Variants in PCDHGA1 observed in about 807,000 individuals in gnomAD.
PCDHGA1 encodes protocadherin gamma subfamily A, 1.
In PCDHGA1, 32 loss-of-function variants were observed where a neutral mutation model predicts 58.0. That is an observed-to-expected ratio of 0.55 (90% CI 0.42 to 0.74). The LOEUF (loss-of-function observed/expected upper bound fraction) is 0.74, where lower values mean the gene tolerates loss of function less well. Ranked by LOEUF, PCDHGA1 falls within the 30% of genes least tolerant of loss-of-function variation. PCDHGA1 has a pLI of 0.00. For synonymous variants in PCDHGA1, 498 were observed against 501.1 expected, an observed-to-expected ratio of 0.99 and a Z score of 0.08; for missense variants, 1,205 against 1,182.3, an observed-to-expected ratio of 1.02 and a Z score of -0.28.
chr5:141,364,428 A>G (rs1358594302), intron 1 of PCDHGA1: 1 of 1,613,750 alleles, frequency 6.2e-7, no homozygotes, highest in South Asian at 1.1e-5. Flanking sequence ...CAGATCCGCT[A>G]CTCGATGCCG....
chr5:141,480,240 CA>C lies in PCDHGA1; in HGVS notation c.2422-14552del, dbSNP rs11374694. 4.6e-3 allele frequency among the ~76,000 whole-genome samples: 522 copies of C among 113,846 alleles called. 1 individual carries two copies. Among genetic ancestry groups the C allele is most frequent in the Non-Finnish European group, 5.4e-3 (287 of 52,954 alleles). 74.7% of individuals were successfully genotyped at this position (113,846 alleles called of 152,430 possible). A position where few individuals can be genotyped will look rare whatever the true frequency, so the allele number is the denominator to read the frequency against. ...GCGACATAGTGAGATCCTGTCTCTACAAAAAAAAAAAAAAATGTGTTTTCAT... is the reference window on the plus strand; with the variant it reads ...GCGACATAGTGAGATCCTGTCTCTACAAAAAAAAAAAAAATGTGTTTTCAT... On this transcript the variant is annotated intron_variant, in intron 1 of 3. Coordinates refer to ENST00000517417, the MANE Select transcript of PCDHGA1 (RefSeq NM_018912.3).
At position 141,393,913 on chromosome 5, in the gene PCDHGA1, C is replaced by T. The variant is rs1170452204; in HGVS notation, c.2421+60808C>T. ...AATTCTCTTCCCGGGACAGTAATTG[C>T]CTTCTTGAGTGTGCATGACCAAGAC... On this transcript the variant is annotated intron_variant, in intron 1 of 3. Coordinates refer to ENST00000517417, the MANE Select transcript of PCDHGA1 (RefSeq NM_018912.3). 3.1e-6 allele frequency: 5 copies of T among 1,613,780 alleles called. No homozygotes were observed. The South Asian group carries it at 3.3e-5, about 11-fold the overall frequency.
intron 1 of PCDHGA1, among the ~76,000 whole-genome samples, chr5:141,405,781 A>G (rs913529807): frequency 2.6e-5 from 4 of 151,674 alleles, no homozygotes; most frequent in African/African-American, 7.3e-5. Context: ...CCTGGCCCTT[A>G]ACTTTCTATT....
chr5:141,361,015 T>C (rs374836690), intron 1 of PCDHGA1: 72 of 1,613,142 alleles, frequency 4.5e-5, no homozygotes, highest in Non-Finnish European at 6.0e-5. Flanking sequence ...CTTTTTCAAC[T>C]TAAATGAAAA....
chr5:141,430,761 T>G, intron 1 of PCDHGA1: 5 of 1,506,132 alleles, frequency 3.3e-6, no homozygotes, highest in Non-Finnish European at 3.5e-6. Context: ...AAGATAAGAA[T>G]GATTCCTGCG....
intron 1 of PCDHGA1, among the ~76,000 whole-genome samples, chr5:141,433,449 T>C (rs2097611087): frequency 6.6e-6 from 1 of 152,068 alleles, no homozygotes; most frequent in Non-Finnish European, 1.5e-5. Context: ...TTGAGCAGGC[T>C]GATCTGAAAC....
Position 141,485,666 on chromosome 5 carries a change from A to C in PCDHGA1, c.2422-9141A>C. 1.2e-6 allele frequency: 2 copies of C among 1,612,786 alleles called. No homozygotes were observed. Among genetic ancestry groups the C allele is most frequent in the Non-Finnish European group, 1.7e-6 (2 of 1,178,960 alleles). ...GGCTCAGGATGCAGATGTGGGGAGCAATTCGATTAGCAGCTATAGGCTGAG... is the reference window on the plus strand; with the variant it reads ...GGCTCAGGATGCAGATGTGGGGAGCCATTCGATTAGCAGCTATAGGCTGAG... On this transcript the variant is annotated intron_variant, in intron 1 of 3. Transcript: ENST00000517417. This position sits in a 1 kb window ranked among gnomAD's most constrained non-coding sequence, Gnocchi z 5.7.
At chr5:141,478,528 G>A (rs1013766552) in intron 1 of PCDHGA1, 1 of 1,609,730 alleles carries the variant, frequency 6.2e-7, no homozygotes, top group Non-Finnish European at 8.5e-7. Context: ...TGGGTGCAGA[G>A]AGCGCCCCTC....
At chr5:141,366,340 C>T in intron 1 of PCDHGA1, 1 of 1,613,934 alleles carries the variant, frequency 6.2e-7, no homozygotes, top group Non-Finnish European at 8.5e-7. Context: ...GGATCCCTGA[C>T]ATCCTGGCTG....
intron 1 of PCDHGA1, chr5:141,356,285 C>A (rs1405876688): frequency 3.9e-6 from 6 of 1,556,488 alleles, no homozygotes; most frequent in African/African-American, 1.4e-5. Flanking sequence ...TCTTCTTCCC[C>A]GGGTACAGTA....
At chr5:141,359,899 A>C (rs1761354532) in intron 1 of PCDHGA1, 1 of 400,996 alleles carries the variant, frequency 2.5e-6, no homozygotes. Flanking sequence ...AATATTGACA[A>C]GCCATTAGTG....
intron 1 of PCDHGA1, chr5:141,384,693 A>G (rs1345115245): frequency 3.1e-6 from 5 of 1,614,042 alleles, no homozygotes; most frequent in Non-Finnish European, 4.2e-6. Context: ...ACAAAGATTC[A>G]GGCCAGAACG....
At chr5:141,500,446 T>C (rs2099800320) in intron 2 of PCDHGA1, among the ~76,000 whole-genome samples, 1 of 152,002 alleles carries the variant, frequency 6.6e-6, no homozygotes, top group South Asian at 2.1e-4. Context: ...CCTGACCTCG[T>C]GATCCGCCCG....
Position 141,433,059 on chromosome 5 carries a change from A to G in PCDHGA1, c.2422-61748A>G, listed in dbSNP as rs745951077. 1.1e-5 allele frequency: 18 copies of G among 1,614,000 alleles called. No individual in the cohort carries two copies. In the East Asian group the frequency reaches 3.8e-4, roughly 34 times the overall value. On this transcript the variant is annotated intron_variant, in intron 1 of 3. Transcript: ENST00000517417. ...CTCACCACGGACTCGCGGAAGAGTC[A>G]CCTGATCTTCCCCCAGCCCAACTAT...
chr5:141,399,830 C>G (rs1304936728), intron 1 of PCDHGA1: 1 of 1,613,192 alleles, frequency 6.2e-7, no homozygotes. Flanking sequence ...CCCGACGGCT[C>G]TGCGCTCTTC....
chr5:141,475,167 G>T (rs529813171), intron 1 of PCDHGA1, among the ~76,000 whole-genome samples: 1 of 152,160 alleles, frequency 6.6e-6, no homozygotes, highest in Admixed American at 6.5e-5. Flanking sequence ...CATTAGCAGT[G>T]CAACTTCTTG....
intron 1 of PCDHGA1, chr5:141,341,129 C>A (rs1036670206): frequency 3.1e-6 from 5 of 1,614,238 alleles, no homozygotes; most frequent in Non-Finnish European, 3.4e-6. Flanking sequence ...GCGGCGCTGG[C>A]ACAAGTCACG....
At chr5:141,408,342 TG>T in intron 1 of PCDHGA1, 1 of 1,613,856 alleles carries the variant, frequency 6.2e-7, no homozygotes, top group Non-Finnish European at 8.5e-7. Context: ...GGCTCGGTGG[TG>T]GGGAACCTCG....
At chr5:141,495,274 G>A (rs1396412578) in intron 2 of PCDHGA1, among the ~76,000 whole-genome samples, 1 of 152,190 alleles carries the variant, frequency 6.6e-6, no homozygotes, top group Non-Finnish European at 1.5e-5. Context: ...TTGACCGGAG[G>A]AGGCGGTCCG....
Sources: allele counts gnomAD v4.1 joint callset (sites outside exome capture counted in the v4.1 genomes callset), GRCh38; gene constraint gnomAD v4.1.1; non-coding constraint Gnocchi (gnomAD v3.1); transcripts MANE v1.5; gene names NCBI Gene and HGNC (gene_info 2026-07-23, HGNC 2026-07-21).